The following NLRC3 variants were observed in gnomAD, a reference collection of about 807,000 sequenced individuals.
The protein encoded by NLRC3 is NLR family CARD domain containing 3, also known as NLR family CARD domain-containing protein 3.
NLRC3 carries 87 observed loss-of-function variants against 91.6 expected under a neutral mutation model. The ratio of observed to expected loss-of-function variants is 0.95; its 90% confidence interval spans 0.80 to 1.14. The LOEUF is 1.14. Ranked by LOEUF, NLRC3 falls within the 50% of genes most tolerant of loss-of-function variation. NLRC3 has a pLI of 0.00. For synonymous variants in NLRC3, 694 were observed against 625.3 expected (o/e 1.11, Z -1.64); for missense variants, 1,577 against 1,418.6 (o/e 1.11, Z -1.79).
chr16:3,554,352 C>T (rs1478577572), intron 8 of NLRC3, 27 bp from the exon 9 acceptor site: 9 of 1,567,768 alleles, frequency 5.7e-6, no homozygotes, highest in Non-Finnish European at 7.9e-6. Context: ...AGGCTCATCA[C>T]TGATGGAGCA....
chr16:3,547,991 A>G lies in NLRC3; in HGVS notation c.2771+144T>C, dbSNP rs1596443235. 3.5e-5 allele frequency: 22 copies of G among 621,096 alleles called. No individual in the cohort carries two copies. In the East Asian group the frequency reaches 6.1e-4, roughly 17 times the overall value. 38.5% of individuals were successfully genotyped at this position (621,096 alleles called of 1,614,324 possible). Reference sequence around the variant, plus strand: ...CGGCCAATATATTTAAAAGGCAGACAAGGACTGAAACATGCCAGCTGGCCT... The same window carrying G: ...CGGCCAATATATTTAAAAGGCAGACGAGGACTGAAACATGCCAGCTGGCCT... On this transcript the variant is annotated intron_variant, in intron 15 of 19. Coordinates refer to ENST00000359128, the MANE Select transcript of NLRC3 (RefSeq NM_178844.4).
rs753954022 is a variant in NLRC3, at chr16:3,563,671, C to T, written c.1266G>A (p.Ala422=). The change falls in exon 5 of 20, where the codon GCG becomes GCA. Residue 422 remains alanine (A), a synonymous_variant. Transcript: ENST00000359128. ...KYVFYEQDMK[A]FGVDLALLQG... is the part of the protein sequence containing the mutation. The stretch of plus-strand genomic sequence containing the variant: ...GCAGCAGAGCGAGGTCTACACCAAA[C>T]GCCTTCATGTCTTGCTCGTAAAACA... 50 of 1,613,762 alleles carry T rather than the reference C, an allele frequency of 3.1e-5. No individual in the cohort carries two copies. The highest frequency in any genetic ancestry group is 6.7e-5 in the African/African-American group (5 of 75,080).
Position 3,549,707 on chromosome 16 carries a change from G to A in NLRC3, c.2509C>T (p.Leu837Phe), listed in dbSNP as rs1428921040. 2.6e-6 allele frequency: 4 copies of A among 1,550,816 alleles called. No individual in the cohort carries two copies. Among genetic ancestry groups the A allele is most frequent in the Admixed American group, 2.0e-5 (1 of 50,994 alleles). ...MGALCTNQTLLSLSLRENSIS... is the reference protein window; with the variant it reads ...MGALCTNQTLFSLSLRENSIS... Reference sequence around the variant, plus strand: ...GTGGCCAGGACTTACCTGAGGCTGAGGAGGGTCTGGTTGGTGCAGAGGGCC... The same window carrying A: ...GTGGCCAGGACTTACCTGAGGCTGAAGAGGGTCTGGTTGGTGCAGAGGGCC... The change falls in exon 12 of 20, where the codon CTC (leucine) becomes TTC (phenylalanine). Residue 837 changes from leucine to phenylalanine, a missense_variant. Transcript: ENST00000359128.
At chr16:3,575,379 G>A (rs1257924236) in intron 1 of NLRC3, among the ~76,000 whole-genome samples, 3 of 152,222 alleles carry the variant, frequency 2.0e-5, no homozygotes, top group Non-Finnish European at 4.4e-5. Context: ...GGCCGCAGAC[G>A]CCACTATGGA....
At chr16:3,575,068 G>T (rs1470052940) in intron 1 of NLRC3, among the ~76,000 whole-genome samples, 1 of 152,216 alleles carries the variant, frequency 6.6e-6, no homozygotes, top group Non-Finnish European at 1.5e-5. Context: ...ACATACCAAA[G>T]AAATGGATTA....
At chr16:3,575,717 G>A (rs1480394233) in intron 1 of NLRC3, among the ~76,000 whole-genome samples, 2 of 152,174 alleles carry the variant, frequency 1.3e-5, no homozygotes, top group Non-Finnish European at 2.9e-5. Context: ...CAGTCCCGAC[G>A]GACTAGCCGC....
At chr16:3,554,383 T>G (rs2039182840) in intron 8 of NLRC3, 58 bp from the exon 9 acceptor site, 1 of 1,351,966 alleles carries the variant, frequency 7.4e-7, no homozygotes, top group African/African-American at 1.4e-5. Flanking sequence ...CCCAGGGGTC[T>G]GAACTCTCTC....
chr16:3,560,041 C>A (rs1001394618), intron 6 of NLRC3, among the ~76,000 whole-genome samples: 2 of 152,150 alleles, frequency 1.3e-5, no homozygotes, highest in Non-Finnish European at 2.9e-5. Context: ...TCCCCAGTGC[C>A]TTATTTTTGT....
At chr16:3,549,054 C>T (rs1402594644) in intron 13 of NLRC3, 88 bp downstream of exon 13, 5 of 1,014,236 alleles carry the variant, frequency 4.9e-6, no homozygotes, top group Admixed American at 2.0e-5. Context: ...AACCCTGTGA[C>T]GTGGCGAGGG....
intron 9 of NLRC3, among the ~76,000 whole-genome samples, chr16:3,552,926 G>C (rs896345875): frequency 3.3e-5 from 5 of 152,128 alleles, no homozygotes; most frequent in Non-Finnish European, 2.9e-5. Flanking sequence ...GCAATAGAGC[G>C]AGACTCCGTC....
chr16:3,560,648 T>G (rs1385824284), intron 6 of NLRC3, among the ~76,000 whole-genome samples: 1 of 152,132 alleles, frequency 6.6e-6, no homozygotes, highest in East Asian at 1.9e-4. Flanking sequence ...TTTTTGTTTG[T>G]TTTGTTCTTT....
In NLRC3 at chr16:3,541,245, ACTGT is replaced by A. The variant is rs2151078134; in HGVS notation, c.*576_*579del. On this transcript the variant is annotated 3_prime_UTR_variant, in exon 20 of 20. Coordinates refer to ENST00000359128, the MANE Select transcript of NLRC3 (RefSeq NM_178844.4). ...AAGGCAAAATCCTTGGAGAACTCTT[ACTGT>A]CTCTGTTTCCAGAATCCTAGAATTA... The A allele has an allele frequency of 6.6e-6, 1 of 152,410 alleles. No individual in the cohort carries two copies. The highest frequency in any genetic ancestry group is 2.1e-4 in the South Asian group (1 of 4,834). The allele number at this position is 152,410 out of a possible 1,614,324, so 9.4% of individuals were successfully genotyped here. A position where few individuals can be genotyped will look rare whatever the true frequency, so the allele number is the denominator to read the frequency against.
In NLRC3 at chr16:3,548,748, G is replaced by A; in HGVS notation, c.2609C>T (p.Thr870Ile). 6 of 1,601,088 alleles carry A rather than the reference G, an allele frequency of 3.7e-6. No individual in the cohort carries two copies. Among genetic ancestry groups the A allele is most frequent in the East Asian group, 2.2e-5 (1 of 44,480 alleles). Residue 870 changes from threonine to isoleucine, a missense_variant, in exon 14 of 20, where the codon ACA (threonine) becomes ATA (isoleucine). Thr to Ile is a moderately conservative substitution (Grantham distance 89). Coordinates refer to ENST00000359128, the MANE Select transcript of NLRC3 (RefSeq NM_178844.4). ...ANSTLKNLDL[T>I]ANLLHDQGAR... ...ACCCTGGTCGTGGAGGAGGTTGGCTGTCAGGCTAGGAGGAAGGGAACAGGA... is the reference window on the plus strand; with the variant it reads ...ACCCTGGTCGTGGAGGAGGTTGGCTATCAGGCTAGGAGGAAGGGAACAGGA...
chr16:3,568,279 G>A (rs982564494), intron 1 of NLRC3, among the ~76,000 whole-genome samples: 1 of 152,190 alleles, frequency 6.6e-6, no homozygotes, highest in African/African-American at 2.4e-5. Flanking sequence ...GAAGAAGTAA[G>A]GAGTGCGATC....
intron 9 of NLRC3, 83 bp from the exon 10 acceptor site, chr16:3,552,362 G>T: frequency 1.1e-6 from 1 of 938,648 alleles, no homozygotes; most frequent in Non-Finnish European, 1.7e-6. Context: ...TCAAGGTCAG[G>T]GACAACTAGT....
chr16:3,562,258 A>G (rs2039646595), intron 5 of NLRC3, among the ~76,000 whole-genome samples: 1 of 152,186 alleles, frequency 6.6e-6, no homozygotes, highest in African/African-American at 2.4e-5. Flanking sequence ...TTATTGAGAA[A>G]TGGGGTCACT....
In NLRC3 at chr16:3,541,868, T is replaced by A; in HGVS notation, c.3155A>T (p.Glu1052Val). The A allele has an allele frequency of 6.2e-7, 1 of 1,612,892 alleles. No individual in the cohort carries two copies. The highest frequency in any genetic ancestry group is 1.1e-5 in the South Asian group (1 of 90,740). The change falls in exon 20 of 20, where the codon GAG (glutamate) becomes GTG (valine). Residue 1052 changes from glutamate (E) to valine (V), a missense_variant. By Grantham distance (121) the Glu-to-Val change is moderately radical (BLOSUM62 -2). Coordinates refer to ENST00000359128, the MANE Select transcript of NLRC3 (RefSeq NM_178844.4). ...IGDSGARMIS[E>V]AIKTNAPTCT... The stretch of plus-strand genomic sequence containing the variant: ...CGTGGGAGCATTTGTCTTGATGGCC[T>A]CTGAGATCATCCTGGCCCCGGAGTC...
chr16:3,575,558 C>T (rs1264876324), intron 1 of NLRC3, among the ~76,000 whole-genome samples: 3 of 152,190 alleles, frequency 2.0e-5, no homozygotes, highest in African/African-American at 4.8e-5. Context: ...CTGCCTCCTC[C>T]CCGGGAGCCT....
Position 3,554,591 on chromosome 16 carries a change from C to T in NLRC3, c.2184-266G>A, listed in dbSNP as rs1596460773. Among the ~76,000 whole-genome samples the T allele has an allele frequency of 5.9e-5, 9 of 152,276 alleles. No homozygotes were observed. The South Asian group carries it at 1.9e-3, about 32-fold the overall frequency. On this transcript the variant is annotated intron_variant, in intron 8 of 19. Transcript: ENST00000359128. The stretch of plus-strand genomic sequence containing the variant: ...TAACCACAACAAAGTCATCAATTGC[C>T]CTCATTACAGCTGAAAGACACAGGA...
Sources: allele counts gnomAD v4.1 joint callset (sites outside exome capture counted in the v4.1 genomes callset), GRCh38; gene constraint gnomAD v4.1.1; transcripts MANE v1.5; gene names NCBI Gene and HGNC (gene_info 2026-07-23, HGNC 2026-07-21).